The following TANGO6 variants were observed in gnomAD, a reference collection of about 807,000 sequenced individuals.
TANGO6 encodes transport and golgi organization 6 homolog, also known as transport and Golgi organization protein 6 homolog.
A neutral mutation model predicts 114.2 loss-of-function variants in TANGO6; 90 were observed. That is an observed-to-expected ratio of 0.79 (90% CI 0.66 to 0.94). TANGO6 has a LOEUF of 0.94. Among genes scored for constraint, TANGO6 ranks in the 40% least tolerant of loss-of-function variants. TANGO6 has a pLI of 0.00. For synonymous variants in TANGO6, 477 were observed against 509.8 expected, an observed-to-expected ratio of 0.94 and a Z score of 0.87; for missense variants, 1,274 against 1,315.3, an observed-to-expected ratio of 0.97 and a Z score of 0.49.
At chr16:68,908,630 A>G (rs184140171) in intron 10 of TANGO6, among the ~76,000 whole-genome samples, 1 of 152,322 alleles carries the variant, frequency 6.6e-6, no homozygotes, top group Admixed American at 6.5e-5. Flanking sequence ...CAGTGAGCCA[A>G]AAAGGGTAGG....
At chr16:68,967,358 C>A (rs1243452333) in intron 14 of TANGO6, among the ~76,000 whole-genome samples, 1 of 152,160 alleles carries the variant, frequency 6.6e-6, no homozygotes, top group Non-Finnish European at 1.5e-5. Flanking sequence ...CCGTTGCCTC[C>A]AATGATCTGA....
At chr16:68,948,002 C>CT (rs2152204306) in intron 14 of TANGO6, among the ~76,000 whole-genome samples, 1 of 151,444 alleles carries the variant, frequency 6.6e-6, no homozygotes, top group Admixed American at 6.6e-5. Flanking sequence ...TCTCTTGTAC[C>CT]TTATCTTACT....
At chr16:68,876,144 T>A (rs1953491585) in intron 5 of TANGO6, among the ~76,000 whole-genome samples, 1 of 151,654 alleles carries the variant, frequency 6.6e-6, no homozygotes, top group Admixed American at 6.6e-5. Flanking sequence ...CATATACACA[T>A]GATGGTACAA....
chr16:69,078,504 A>G (rs8057692), intron 17 of TANGO6, among the ~76,000 whole-genome samples: 3,405 of 152,088 alleles, frequency 0.022, 126 homozygotes, highest in African/African-American at 0.075. Context: ...GAACTTTCCT[A>G]TTCCTAAAAT....
intron 17 of TANGO6, among the ~76,000 whole-genome samples, chr16:69,065,999 G>A (rs1434742477): frequency 6.6e-6 from 1 of 152,192 alleles, no homozygotes; most frequent in Non-Finnish European, 1.5e-5. Flanking sequence ...AGACCTTGGA[G>A]TCTGGCCCCT....
intron 16 of TANGO6, among the ~76,000 whole-genome samples, chr16:69,029,896 T>G (rs1959566019): frequency 6.6e-6 from 1 of 150,984 alleles, no homozygotes. Flanking sequence ...TCACCTAAGG[T>G]CAGGAGTTCG....
At chr16:68,995,892 T>A (rs1216404096) in intron 15 of TANGO6, among the ~76,000 whole-genome samples, 1 of 152,234 alleles carries the variant, frequency 6.6e-6, no homozygotes, top group African/African-American at 2.4e-5. Flanking sequence ...TTTTACTTTC[T>A]TATTTGTGAT....
At chr16:68,933,402 A>C (rs1257556201) in intron 14 of TANGO6, among the ~76,000 whole-genome samples, 1 of 152,186 alleles carries the variant, frequency 6.6e-6, no homozygotes, top group Non-Finnish European at 1.5e-5. Flanking sequence ...GCAGCAGAGC[A>C]AGACTCCTTC....
chr16:68,933,468 A>G (rs751546595), intron 14 of TANGO6, among the ~76,000 whole-genome samples: 6 of 152,136 alleles, frequency 3.9e-5, no homozygotes, highest in Non-Finnish European at 8.8e-5. Context: ...TGAAACACCA[A>G]TCATTTATTA....
intron 17 of TANGO6, among the ~76,000 whole-genome samples, chr16:69,055,700 T>A (rs552501848): frequency 6.6e-6 from 1 of 152,314 alleles, no homozygotes; most frequent in Non-Finnish European, 1.5e-5. Context: ...TCCTCAACAG[T>A]AACTTGGCCA....
chr16:68,907,979 C>G (rs1962875428), intron 10 of TANGO6, among the ~76,000 whole-genome samples: 1 of 152,140 alleles, frequency 6.6e-6, no homozygotes, highest in Non-Finnish European at 1.5e-5. Context: ...GGAGATTTAG[C>G]AATTCTGCCT....
intron 17 of TANGO6, among the ~76,000 whole-genome samples, chr16:69,060,733 C>A (rs952904152): frequency 6.6e-6 from 1 of 152,168 alleles, no homozygotes; most frequent in Admixed American, 6.5e-5. Context: ...GTGGCTCACA[C>A]CTGTAATCCC....
chr16:69,084,564 T>C lies in TANGO6; in HGVS notation c.*903T>C, dbSNP rs1960511673. The C allele has an allele frequency of 1.3e-5, 2 of 152,384 alleles. No homozygotes were observed. Among genetic ancestry groups the C allele is most frequent in the South Asian group, 2.1e-4 (1 of 4,834 alleles). The allele number at this position is 152,384 out of a possible 1,614,324, so 9.4% of individuals were successfully genotyped here. A position where few individuals can be genotyped will look rare whatever the true frequency, so the allele number is the denominator to read the frequency against. On this transcript the variant is annotated 3_prime_UTR_variant, in exon 18 of 18. Coordinates refer to ENST00000261778, the MANE Select transcript of TANGO6 (RefSeq NM_024562.2). ...AGGGCTGTTGAAACAATTTCAGATA[T>C]AGCACTGTGGTCTCCACTTTATTTC...
intron 17 of TANGO6, among the ~76,000 whole-genome samples, chr16:69,065,745 C>G (rs1025267085): frequency 6.6e-6 from 1 of 152,184 alleles, no homozygotes; most frequent in Non-Finnish European, 1.5e-5. Flanking sequence ...AGTAATCCTG[C>G]CTTTCTTTAC....
At chr16:68,961,565 A>T (rs1421431147) in intron 14 of TANGO6, among the ~76,000 whole-genome samples, 1 of 152,226 alleles carries the variant, frequency 6.6e-6, no homozygotes, top group Non-Finnish European at 1.5e-5. Context: ...GTTTGTATTT[A>T]TTAATAATAT....
chr16:68,922,109 A>G (rs1483018194), intron 12 of TANGO6, among the ~76,000 whole-genome samples: 2 of 152,162 alleles, frequency 1.3e-5, no homozygotes, highest in Admixed American at 6.5e-5. Context: ...AAAAGAATCT[A>G]ACATCATCTG....
intron 11 of TANGO6, among the ~76,000 whole-genome samples, chr16:68,912,046 C>G (rs564595994): frequency 3.9e-5 from 6 of 152,274 alleles, no homozygotes; most frequent in Admixed American, 2.0e-4. Context: ...GCCAGGGCAT[C>G]AACTCATTAT....
intron 14 of TANGO6, among the ~76,000 whole-genome samples, chr16:68,950,556 C>T (rs530083600): frequency 6.6e-6 from 1 of 150,680 alleles, no homozygotes; most frequent in African/African-American, 2.4e-5. Flanking sequence ...CAGAGCGAGA[C>T]TCTGTTTTAA....
chr16:68,921,075 C>T (rs1232871584), intron 12 of TANGO6, among the ~76,000 whole-genome samples: 6 of 143,962 alleles, frequency 4.2e-5, no homozygotes, highest in East Asian at 2.1e-4. Context: ...GCCGAGATCG[C>T]GCCACTGCAC....
Sources: gnomAD v4.1 joint callset for allele counts (sites outside exome capture counted in the v4.1 genomes callset) on GRCh38, gnomAD v4.1.1 for gene constraint, MANE v1.5 for transcripts, NCBI Gene and HGNC (gene_info 2026-07-23, HGNC 2026-07-21) for gene names.